LIMK2: variants seen among roughly 807,000 people sequenced by gnomAD.
LIMK2 encodes LIM domain kinase 2.
A neutral mutation model predicts 75.7 loss-of-function variants in LIMK2; 35 were observed. That is an observed-to-expected ratio of 0.46 (90% CI 0.35 to 0.61). The LOEUF (loss-of-function observed/expected upper bound fraction) is 0.61, where lower values mean the gene tolerates loss of function less well. LIMK2 is among the 20% of genes least tolerant of loss of function. The pLI, the probability that LIMK2 is intolerant of heterozygous loss-of-function variation, is 0.00. For synonymous variants in LIMK2, 301 were observed against 319.2 expected (o/e 0.94, Z 0.61); for missense variants, 623 against 831.0 (o/e 0.75, Z 3.08).
chr22:31,226,674 A>T (rs188144942), intron 2 of LIMK2, among the ~76,000 whole-genome samples: 179 of 152,294 alleles, frequency 1.2e-3, no homozygotes, highest in Non-Finnish European at 2.2e-3. Flanking sequence ...CAGTGATGTG[A>T]TCTTGGCTCA....
chr22:31,220,999 G>T (rs1171439588), intron 1 of LIMK2, among the ~76,000 whole-genome samples: 2 of 152,098 alleles, frequency 1.3e-5, no homozygotes, highest in African/African-American at 4.8e-5. Flanking sequence ...TAAGGGAAAA[G>T]ATAGAGAAGC....
At chr22:31,218,757 C>T (rs1329881161) in intron 1 of LIMK2, among the ~76,000 whole-genome samples, 1 of 152,204 alleles carries the variant, frequency 6.6e-6, no homozygotes, top group African/African-American at 2.4e-5. Context: ...GGGATTTATA[C>T]ACCTGACCCG....
intron 5 of LIMK2, 143 bp from the exon 6 acceptor site, chr22:31,261,991 G>A (rs1186897574): frequency 1.5e-6 from 1 of 674,360 alleles, no homozygotes; most frequent in East Asian, 2.6e-5. Context: ...CCTGGAAAAG[G>A]TGTTGCCTTT....
At position 31,279,938 on chromosome 22, in the gene LIMK2, G is replaced by A. The variant is rs1012549431; in HGVS notation, c.*1497G>A. 1 of 152,328 alleles carries A rather than the reference G, an allele frequency of 6.6e-6. No individual in the cohort carries two copies. Among genetic ancestry groups the A allele is most frequent in the Non-Finnish European group, 1.5e-5 (1 of 68,096 alleles). 9.4% of individuals were successfully genotyped at this position (152,328 alleles called of 1,614,324 possible). A position where few individuals can be genotyped will look rare whatever the true frequency, so the allele number is the denominator to read the frequency against. On this transcript the variant is annotated 3_prime_UTR_variant, in exon 16 of 16. Transcript: ENST00000331728. ...AAGTTTGCAAGCTTGCTTTAGGGCTGAGCCCTGGACTCCCAGCAGCAGCAC... is the reference window on the plus strand; with the variant it reads ...AAGTTTGCAAGCTTGCTTTAGGGCTAAGCCCTGGACTCCCAGCAGCAGCAC...
chr22:31,225,893 A>ATGTT, intron 2 of LIMK2, 74 bp downstream of exon 2: 1 of 1,100,548 alleles, frequency 9.1e-7, no homozygotes, highest in Non-Finnish European at 1.4e-6. Context: ...GATGGAAAAC[A>ATGTT]CAGAAACAAG....
chr22:31,275,410 C>T, intron 15 of LIMK2, 102 bp downstream of exon 15: 7 of 1,186,194 alleles, frequency 5.9e-6, no homozygotes, highest in Non-Finnish European at 7.1e-6. Flanking sequence ...GTGAGAGAAG[C>T]CTTGAGGTCA....
At chr22:31,215,089 G>C (rs1295741352) in intron 1 of LIMK2, among the ~76,000 whole-genome samples, 9 of 152,198 alleles carry the variant, frequency 5.9e-5, no homozygotes, top group Admixed American at 5.9e-4. Context: ...GAGCCACCAT[G>C]CCCAGCCAAG....
chr22:31,269,953 G>T (rs902700832), intron 11 of LIMK2, among the ~76,000 whole-genome samples: 1 of 151,974 alleles, frequency 6.6e-6, no homozygotes, highest in Non-Finnish European at 1.5e-5. Flanking sequence ...AGACTGGTTG[G>T]CAATGAGGGA....
chr22:31,276,963 G>T lies in LIMK2; in HGVS notation c.1773-1334G>T, dbSNP rs770058795. ...GCCTCTACGACTGCCAGGAAGAGGA[G>T]ATCTCAGAACTAGAGATTGACGTGG... On this transcript the variant is annotated intron_variant, in intron 15 of 15. Transcript: ENST00000331728. The T allele has an allele frequency of 4.3e-5, 70 of 1,613,858 alleles. No homozygotes were observed. The highest frequency in any genetic ancestry group is 5.5e-5 in the Non-Finnish European group (65 of 1,179,862).
At chr22:31,276,746 C>A in intron 15 of LIMK2, 2 of 1,557,628 alleles carry the variant, frequency 1.3e-6, no homozygotes, top group Non-Finnish European at 1.7e-6. Flanking sequence ...CCCCGGCCCC[C>A]AGGCCAGGCA....
rs2048582064 is a variant in LIMK2 at position 31,236,963 on chromosome 22, T to TA, written c.116+11151dup. 2.1e-5 allele frequency among the ~76,000 whole-genome samples: 3 copies of TA among 140,248 alleles called. No individual in the cohort carries two copies. In the South Asian group the frequency reaches 6.8e-4, roughly 32 times the overall value. The allele number at this position is 140,248 out of a possible 152,430, so 92.0% of individuals were successfully genotyped here. A position where few individuals can be genotyped will look rare whatever the true frequency, so the allele number is the denominator to read the frequency against. On this transcript the variant is annotated intron_variant, in intron 2 of 15. Coordinates refer to ENST00000331728, the MANE Select transcript of LIMK2 (RefSeq NM_005569.4). Reference sequence around the variant, plus strand: ...TAAAATAAAATAAAATAAAATAAAATAAAAAAATATGGAGGCCAGCAGGCA... The same window carrying TA: ...TAAAATAAAATAAAATAAAATAAAATAAAAAAAATATGGAGGCCAGCAGGCA...
chr22:31,235,331 A>G (rs2048564196), intron 2 of LIMK2, among the ~76,000 whole-genome samples: 1 of 152,208 alleles, frequency 6.6e-6, no homozygotes, highest in African/African-American at 2.4e-5. Context: ...GCAAGACGGA[A>G]TCAGTTCCGG....
intron 2 of LIMK2, among the ~76,000 whole-genome samples, chr22:31,227,063 T>C (rs1568984412): frequency 6.6e-6 from 1 of 152,278 alleles, no homozygotes; most frequent in African/African-American, 2.4e-5. Flanking sequence ...ATATGCAGTG[T>C]ATCCAGTACA....
At chr22:31,242,014 G>A (rs557167224) in intron 2 of LIMK2, among the ~76,000 whole-genome samples, 1 of 152,270 alleles carries the variant, frequency 6.6e-6, no homozygotes, top group Non-Finnish European at 1.5e-5. Flanking sequence ...CTCTAGCAAG[G>A]TATTCAGGAA....
chr22:31,256,866 G>A (rs2078803), intron 2 of LIMK2, among the ~76,000 whole-genome samples: 119,949 of 151,776 alleles, frequency 0.79, 48,358 homozygotes, highest in African/African-American at 0.95. Flanking sequence ...AAAAGAAGGA[G>A]CTAGAAGGAA....
At chr22:31,265,256 C>T (rs984265712) in intron 7 of LIMK2, among the ~76,000 whole-genome samples, 3 of 148,892 alleles carry the variant, frequency 2.0e-5, no homozygotes, top group Admixed American at 6.7e-5. Flanking sequence ...CTCCCAGCTA[C>T]TTGGGAGGCT....
rs375618799 is a variant in LIMK2, at chr22:31,262,815, G to T, written c.854+24G>T. ...AGGTGCCACCTCCCACCCTGGCTCT[G>T]TTCTGTCCTATGTCTGTCTCTCGGA... On this transcript the variant is annotated intron_variant, in intron 7 of 15. Coordinates refer to ENST00000331728, the MANE Select transcript of LIMK2 (RefSeq NM_005569.4). This position sits in a 1 kb window ranked among gnomAD's most constrained non-coding sequence, Gnocchi z 5.0. 1.6e-5 allele frequency: 24 copies of T among 1,546,434 alleles called. No individual in the cohort carries two copies. The African/African-American group carries it at 3.2e-4, about 20-fold the overall frequency.
intron 15 of LIMK2, chr22:31,277,048 G>A (rs1311599778): frequency 6.2e-7 from 1 of 1,613,962 alleles, no homozygotes; most frequent in Admixed American, 1.7e-5. Flanking sequence ...GGAGCTGCTG[G>A]TTGACTGTTA....
At chr22:31,243,092 T>C (rs1246732066) in intron 2 of LIMK2, among the ~76,000 whole-genome samples, 3 of 152,132 alleles carry the variant, frequency 2.0e-5, no homozygotes, top group Non-Finnish European at 4.4e-5. Flanking sequence ...CCAGCTAATT[T>C]TGTATTTTTA....
Sources: gnomAD v4.1 joint callset for allele counts (sites outside exome capture counted in the v4.1 genomes callset) on GRCh38, gnomAD v4.1.1 for gene constraint, Gnocchi (gnomAD v3.1) non-coding constraint, MANE v1.5 for transcripts, NCBI Gene and HGNC (gene_info 2026-07-23, HGNC 2026-07-21) for gene names.